The following YPEL5 variants were observed in gnomAD, a reference collection of about 807,000 sequenced individuals.
YPEL5 encodes the protein yippee like 5.
A neutral mutation model predicts 10.5 loss-of-function variants in YPEL5; 1 was observed. That is an observed-to-expected ratio of 0.10 (90% CI 0.03 to 0.45). The LOEUF (loss-of-function observed/expected upper bound fraction) is 0.45. Among genes scored for constraint, YPEL5 ranks in the 20% least tolerant of loss-of-function variants. The pLI, the probability that YPEL5 is intolerant of heterozygous loss-of-function variation, is 0.97. For synonymous variants in YPEL5, 61 were observed against 56.6 expected, an observed-to-expected ratio of 1.08 and a Z score of -0.35; for missense variants, 68 against 159.3, an observed-to-expected ratio of 0.43 and a Z score of 3.09.
chr2:30,151,851 T>C (rs1306695042), intron 1 of YPEL5, among the ~76,000 whole-genome samples: 2 of 152,234 alleles, frequency 1.3e-5, no homozygotes, highest in African/African-American at 4.8e-5. Context: ...ACTCTTAAGA[T>C]GTTTTAGAAA....
At chr2:30,154,979 T>A (rs150624878) in intron 1 of YPEL5, among the ~76,000 whole-genome samples, 1 of 152,334 alleles carries the variant, frequency 6.6e-6, no homozygotes, top group African/African-American at 2.4e-5. Flanking sequence ...CCCCAGGTGA[T>A]CCGCCCACCT....
intron 1 of YPEL5, among the ~76,000 whole-genome samples, chr2:30,155,229 C>T (rs987977756): frequency 3.3e-5 from 5 of 152,196 alleles, no homozygotes; most frequent in African/African-American, 1.2e-4. Flanking sequence ...CTTTTACTAG[C>T]TGCACATTGT....
intron 1 of YPEL5, chr2:30,147,939 G>T (rs1412947424): frequency 6.6e-6 from 1 of 152,268 alleles, no homozygotes. Context: ...CGGCGGGGGC[G>T]CTCGCGGGCC....
chr2:30,154,583 A>G (rs1213640876), intron 1 of YPEL5, among the ~76,000 whole-genome samples: 1 of 152,236 alleles, frequency 6.6e-6, no homozygotes, highest in Non-Finnish European at 1.5e-5. Flanking sequence ...ATGAAGATTA[A>G]AAACTGTGTG....
intron 1 of YPEL5, among the ~76,000 whole-genome samples, chr2:30,153,532 G>A (rs1675907949): frequency 2.6e-5 from 4 of 152,178 alleles, no homozygotes. Flanking sequence ...TTTAATGGAT[G>A]TCAGCCTCTT....
chr2:30,156,076 G>A (rs750148735), intron 1 of YPEL5, among the ~76,000 whole-genome samples: 1 of 152,132 alleles, frequency 6.6e-6, no homozygotes, highest in South Asian at 2.1e-4. Context: ...CCTAGACATT[G>A]ACTTAAAGTT....
At chr2:30,156,928 A>T in intron 2 of YPEL5, 136 bp downstream of exon 2, 1 of 1,069,658 alleles carries the variant, frequency 9.3e-7, no homozygotes, top group Non-Finnish European at 1.3e-6. Context: ...ATGATTGCCC[A>T]CTAGCTCGTC....
intron 1 of YPEL5, among the ~76,000 whole-genome samples, chr2:30,154,589 G>A (rs929164471): frequency 1.3e-5 from 2 of 152,152 alleles, no homozygotes; most frequent in African/African-American, 4.8e-5. Context: ...ATTAAAAACT[G>A]TGTGACCCAA....
intron 1 of YPEL5, among the ~76,000 whole-genome samples, chr2:30,150,432 G>A (rs1675729974): frequency 1.3e-5 from 2 of 152,194 alleles, no homozygotes; most frequent in African/African-American, 4.8e-5. Flanking sequence ...TGTTTCCAAA[G>A]CTATTAAGGG....
At chr2:30,152,890 G>GTTTTTTTTT (rs373848986) in intron 1 of YPEL5, among the ~76,000 whole-genome samples, 1 of 122,724 alleles carries the variant, frequency 8.1e-6, no homozygotes, top group African/African-American at 3.0e-5. Flanking sequence ...ACTGTCCTTT[G>GTTTTTTTTT]TTTTTTTTTT....
chr2:30,158,392 G>T (rs1403370512), intron 2 of YPEL5, among the ~76,000 whole-genome samples: 1 of 152,216 alleles, frequency 6.6e-6, no homozygotes, highest in African/African-American at 2.4e-5. Flanking sequence ...ACTTAGGCTA[G>T]TACGGTAGTG....
rs1271499220 is a variant in YPEL5, at chr2:30,152,247, GA to G, written c.-24-4380del. Among the ~76,000 whole-genome samples, 8 of 152,158 alleles carry G rather than the reference GA, an allele frequency of 5.3e-5. No individual in the cohort carries two copies. The South Asian group carries it at 1.7e-3, about 32-fold the overall frequency. Reference sequence around the variant, plus strand: ...AATTTTATAAAGGAGCAGTCTCTATGAGCTTTTAGAAATGGGCGGCACATGC... The same window carrying G: ...AATTTTATAAAGGAGCAGTCTCTATGGCTTTTAGAAATGGGCGGCACATGC... On this transcript the variant is annotated intron_variant, in intron 1 of 2. Coordinates refer to ENST00000261353, the MANE Select transcript of YPEL5 (RefSeq NM_016061.3).
chr2:30,157,315 T>G (rs1676087212), intron 2 of YPEL5, among the ~76,000 whole-genome samples: 1 of 151,788 alleles, frequency 6.6e-6, no homozygotes, highest in Admixed American at 6.6e-5. Flanking sequence ...AAGTGTGATC[T>G]CTGTTGCCTC....
chr2:30,153,063 G>A (rs574793307), intron 1 of YPEL5, among the ~76,000 whole-genome samples: 26 of 151,992 alleles, frequency 1.7e-4, no homozygotes, highest in Non-Finnish European at 3.5e-4. Context: ...ACCATGCCCG[G>A]CTAATTTTTT....
intron 1 of YPEL5, among the ~76,000 whole-genome samples, chr2:30,149,999 C>T (rs1411379658): frequency 6.6e-6 from 1 of 152,178 alleles, no homozygotes; most frequent in African/African-American, 2.4e-5. Context: ...GGAAGTGGTG[C>T]CTCCCTTGAC....
intron 1 of YPEL5, chr2:30,147,596 C>T (rs1675507670): frequency 6.6e-6 from 1 of 151,792 alleles, no homozygotes; most frequent in Non-Finnish European, 1.5e-5. Context: ...GCGATGACCG[C>T]ACGGCGTGAA....
At chr2:30,156,391 A>G (rs1040610015) in intron 1 of YPEL5, 2 of 391,362 alleles carry the variant, frequency 5.1e-6, no homozygotes, top group African/African-American at 4.0e-5. Context: ...GCCTTGGCTA[A>G]TAGGTTTACT....
chr2:30,147,303 G>A (rs966612950), intron 1 of YPEL5, among the ~76,000 whole-genome samples: 5 of 150,380 alleles, frequency 3.3e-5, no homozygotes, highest in African/African-American at 1.2e-4. Context: ...GAGGCCTGGC[G>A]CGGCGGCCGC....
At position 30,147,039 on chromosome 2, in the gene YPEL5, C is replaced by A. The variant is rs887086820; in HGVS notation, c.-48C>A. The stretch of plus-strand genomic sequence containing the variant: ...CTGAAGAGCGACAAGCCGCTGGCAG[C>A]CGCGGATCTCACCGCCGCTCAGGGT... On this transcript the variant is annotated 5_prime_UTR_variant, in exon 1 of 3. Coordinates refer to ENST00000261353, the MANE Select transcript of YPEL5 (RefSeq NM_016061.3). The A allele has an allele frequency of 1.3e-5, 2 of 152,430 alleles. No individual in the cohort carries two copies. Among genetic ancestry groups the A allele is most frequent in the African/African-American group, 4.8e-5 (2 of 41,464 alleles). The allele number at this position is 152,430 out of a possible 1,614,324, so 9.4% of individuals were successfully genotyped here. A position where few individuals can be genotyped will look rare whatever the true frequency, so the allele number is the denominator to read the frequency against.
Sources: gnomAD v4.1 joint callset for allele counts (sites outside exome capture counted in the v4.1 genomes callset) on GRCh38, gnomAD v4.1.1 for gene constraint, MANE v1.5 for transcripts, NCBI Gene and HGNC (gene_info 2026-07-23, HGNC 2026-07-21) for gene names.